The following SCHIP1 variants were observed in gnomAD, a reference collection of about 807,000 sequenced individuals.
SCHIP1 encodes schwannomin-interacting protein 1.
SCHIP1 carries 8 observed loss-of-function variants against 29.7 expected under a neutral mutation model. That is an observed-to-expected ratio of 0.27 (90% CI 0.16 to 0.49). The LOEUF is 0.49. Ranked by LOEUF, SCHIP1 falls within the 20% of genes least tolerant of loss-of-function variation. The pLI, the probability that SCHIP1 is intolerant of heterozygous loss-of-function variation, is 0.99. For missense variants in SCHIP1, 193 were observed against 294.6 expected, an observed-to-expected ratio of 0.66 and a Z score of 2.52; for synonymous variants, 76 against 94.9, an observed-to-expected ratio of 0.80 and a Z score of 1.16.
chr3:159,525,342 G>A, the SCHIP1 span, among the ~76,000 whole-genome samples: 1 of 152,190 alleles, frequency 6.6e-6, no homozygotes, highest in East Asian at 1.9e-4. Flanking sequence ...TACCTTTAGT[G>A]CCTAAAACAG....
the SCHIP1 span, among the ~76,000 whole-genome samples, chr3:159,759,887 T>C: frequency 2.6e-5 from 4 of 152,244 alleles, no homozygotes; most frequent in Admixed American, 2.6e-4. Flanking sequence ...TCATACTCTT[T>C]GATTCAAATA....
At chr3:159,732,438 G>T in the SCHIP1 span, among the ~76,000 whole-genome samples, 1 of 152,180 alleles carries the variant, frequency 6.6e-6, no homozygotes, top group African/African-American at 2.4e-5. Flanking sequence ...CCTTCTCTCC[G>T]CAATTTGCCC....
At chr3:159,814,528 A>G in the SCHIP1 span, among the ~76,000 whole-genome samples, 10 of 152,232 alleles carry the variant, frequency 6.6e-5, no homozygotes, top group Admixed American at 6.5e-4. Context: ...GCTACAAAAG[A>G]AAAGGGCAAT....
the SCHIP1 span, among the ~76,000 whole-genome samples, chr3:159,560,372 C>T: frequency 0.059 from 8,937 of 152,166 alleles, 386 homozygotes; most frequent in African/African-American, 0.12. Context: ...GTGAATCTGA[C>T]TGCTAAAATG....
the SCHIP1 span, among the ~76,000 whole-genome samples, chr3:159,484,796 C>T: frequency 6.6e-6 from 1 of 152,192 alleles, no homozygotes; most frequent in Non-Finnish European, 1.5e-5. Flanking sequence ...TGCATTGGCA[C>T]AGAATCCCAT....
chr3:159,456,927 G>T, the SCHIP1 span, among the ~76,000 whole-genome samples: 1 of 152,228 alleles, frequency 6.6e-6, no homozygotes, highest in East Asian at 1.9e-4. Context: ...AGGAAGGGTT[G>T]TTAAAAACAT....
At chr3:159,840,277 AAGC>A in intron 1 of SCHIP1, 1 of 1,401,136 alleles carries the variant, frequency 7.1e-7, no homozygotes, top group South Asian at 1.2e-5. Context: ...TCCTCTTCCA[AAGC>A]AGCAGGTTGC....
chr3:159,889,342 A>G (rs1717264253), intron 5 of SCHIP1, among the ~76,000 whole-genome samples: 1 of 152,218 alleles, frequency 6.6e-6, no homozygotes, highest in Non-Finnish European at 1.5e-5. Context: ...CAAATTAGAC[A>G]CATTTCCTAG....
chr3:159,489,276 G>A, the SCHIP1 span, among the ~76,000 whole-genome samples: 2 of 151,986 alleles, frequency 1.3e-5, no homozygotes, highest in Non-Finnish European at 2.9e-5. Context: ...CTGTGAATTT[G>A]TGTTCTACTA....
At chr3:159,710,917 T>G in the SCHIP1 span, among the ~76,000 whole-genome samples, 7 of 152,136 alleles carry the variant, frequency 4.6e-5, no homozygotes, top group Non-Finnish European at 5.9e-5. Context: ...TCAGGTAGCC[T>G]CTGGCCCTAC....
the SCHIP1 span, among the ~76,000 whole-genome samples, chr3:159,389,252 T>A: frequency 6.6e-6 from 1 of 152,054 alleles, no homozygotes; most frequent in African/African-American, 2.4e-5. Context: ...GCAGGGGGTA[T>A]TTTTAAAGCA....
chr3:159,423,985 T>C, the SCHIP1 span, among the ~76,000 whole-genome samples: 1 of 151,114 alleles, frequency 6.6e-6, no homozygotes, highest in African/African-American at 2.4e-5. Flanking sequence ...TCCAACAGAC[T>C]TGCATTTGAG....
chr3:159,489,873 TA>T, the SCHIP1 span, among the ~76,000 whole-genome samples: 11 of 151,972 alleles, frequency 7.2e-5, no homozygotes, highest in African/African-American at 2.4e-4. Context: ...TCTTTTATAT[TA>T]AAAAAATTAT....
At chr3:159,401,785 G>T in the SCHIP1 span, among the ~76,000 whole-genome samples, 16 of 152,204 alleles carry the variant, frequency 1.1e-4, no homozygotes, top group African/African-American at 3.9e-4. Flanking sequence ...TATGGTTTTA[G>T]GTCTAACATG....
chr3:159,322,797 C>T, the SCHIP1 span, among the ~76,000 whole-genome samples: 1 of 152,100 alleles, frequency 6.6e-6, no homozygotes. Flanking sequence ...TCTGGCCTTT[C>T]CTGAGGTGGA....
At chr3:159,282,074 T>C in the SCHIP1 span, among the ~76,000 whole-genome samples, 11 of 152,104 alleles carry the variant, frequency 7.2e-5, no homozygotes, top group Non-Finnish European at 1.3e-4. Flanking sequence ...CACATAGACA[T>C]ATAATTTATT....
chr3:159,381,952 T>G, the SCHIP1 span, among the ~76,000 whole-genome samples: 3 of 152,136 alleles, frequency 2.0e-5, no homozygotes, highest in Non-Finnish European at 4.4e-5. Flanking sequence ...TTCACAGCTT[T>G]CTTGGTCACT....
chr3:159,486,854 C>T, the SCHIP1 span, among the ~76,000 whole-genome samples: 1 of 152,288 alleles, frequency 6.6e-6, no homozygotes, highest in Non-Finnish European at 1.5e-5. Flanking sequence ...ATCTCACAGG[C>T]CAGATCTAGG....
the SCHIP1 span, among the ~76,000 whole-genome samples, chr3:159,696,187 G>T: frequency 6.6e-6 from 1 of 152,100 alleles, no homozygotes; most frequent in African/African-American, 2.4e-5. Flanking sequence ...TTACAATCAG[G>T]TCCTACTCAC....
Sources: gnomAD v4.1 joint callset for allele counts (sites outside exome capture counted in the v4.1 genomes callset) on GRCh38, gnomAD v4.1.1 for gene constraint, MANE v1.5 for transcripts, NCBI Gene and HGNC (gene_info 2026-07-23, HGNC 2026-07-21) for gene names.